MYCBP2: variants seen among roughly 807,000 people sequenced by gnomAD.
MYCBP2 encodes the protein MYC binding protein 2.
In MYCBP2, 120 loss-of-function variants were observed where a neutral mutation model predicts 525.3. That is an observed-to-expected ratio of 0.23 (90% CI 0.20 to 0.27). The LOEUF (loss-of-function observed/expected upper bound fraction) is 0.27. MYCBP2 is among the 10% of genes least tolerant of loss of function. The probability of loss-of-function intolerance (pLI) is 1.00; values close to 1 mark genes in which losing one functional copy is unlikely to be tolerated. For missense variants in MYCBP2, 4,149 were observed against 5,657.1 expected, an observed-to-expected ratio of 0.73 and a Z score of 8.55; for synonymous variants, 1,894 against 1,955.8, an observed-to-expected ratio of 0.97 and a Z score of 0.83.
chr13:77,212,014 T>G lies in MYCBP2; in HGVS notation c.3204A>C (p.Ala1068=), dbSNP rs1164833869. ...TAGCAAGTACATGAGAATTAATAAG[T>G]GCTTCATCAATTCGTAAAAAAGTTT... ...GDQTFLRIDE[A]LINSHVLATS... is the part of the protein sequence containing the mutation. The change falls in exon 22 of 83, where the codon GCA becomes GCC. Residue 1068 remains alanine, a synonymous_variant. Coordinates refer to ENST00000544440, the MANE Select transcript of MYCBP2 (RefSeq NM_015057.5). 1 of 1,614,104 alleles carries G rather than the reference T, an allele frequency of 6.2e-7. No homozygotes were observed. Among genetic ancestry groups the G allele is most frequent in the South Asian group, 1.1e-5 (1 of 91,078 alleles).
At position 77,161,425 on chromosome 13, in the gene MYCBP2, T is replaced by A. The variant is rs374923387; in HGVS notation, c.6597+481A>T. On this transcript the variant is annotated intron_variant, in intron 44 of 82. Transcript: ENST00000544440. ...AAAAACAACAAATGATGGCTCCCAA[T>A]TGTCTACAGGCAACTAGCCCTAACC... Among the ~76,000 whole-genome samples, 7 of 152,310 alleles carry A rather than the reference T, an allele frequency of 4.6e-5. No homozygotes were observed. In the East Asian group the frequency reaches 7.7e-4, roughly 17 times the overall value.
At chr13:77,287,226 C>A (rs577707744) in intron 3 of MYCBP2, among the ~76,000 whole-genome samples, 1 of 138,966 alleles carries the variant, frequency 7.2e-6, no homozygotes, top group South Asian at 2.4e-4. Context: ...CACTCTGTCA[C>A]CCAGGCCGGA....
At position 77,158,039 on chromosome 13, in the gene MYCBP2, G is replaced by C. The variant is rs1416518141; in HGVS notation, c.6668C>G (p.Ala2223Gly). The change falls in exon 45 of 83, where the codon GCA (alanine) becomes GGA (glycine). Residue 2223 changes from alanine (A) to glycine (G), a missense_variant. Ala to Gly is a moderately conservative substitution (Grantham distance 60, BLOSUM62 0). This residue lies in a region of MYCBP2 where 692 missense variants were observed against 852.7 expected (regional missense o/e 0.81). Transcript: ENST00000544440. ...ALSHSPTILE[A>G]LEGNLPLQIQ... ...TTGGAGTGGTAAATTTCCCTCAAGT[G>C]CTTCTAATATAGTTGGTGAATGAGA... 1.2e-6 allele frequency: 2 copies of C among 1,613,320 alleles called. No homozygotes were observed. Among genetic ancestry groups the C allele is most frequent in the Non-Finnish European group, 1.7e-6 (2 of 1,179,544 alleles).
intron 21 of MYCBP2, among the ~76,000 whole-genome samples, chr13:77,216,489 G>T (rs1594009355): frequency 6.6e-6 from 1 of 152,226 alleles, no homozygotes; most frequent in East Asian, 1.9e-4. Flanking sequence ...ACAGAAATCA[G>T]ACATTTGATC....
In MYCBP2 at chr13:77,101,011, C is replaced by T. The variant is rs934536462; in HGVS notation, c.8141-1998G>A. 4.6e-5 allele frequency among the ~76,000 whole-genome samples: 7 copies of T among 152,014 alleles called. 1 individual carries two copies. Among genetic ancestry groups the T allele is most frequent in the Non-Finnish European group, 1.5e-5 (1 of 67,980 alleles). On this transcript the variant is annotated intron_variant, in intron 55 of 82. Transcript: ENST00000544440. ...AACAGCATATGGCAAATTTGGTAAA[C>T]AAATTATATTTGGTAGATTAAATCA...
rs1376667156 is a variant in MYCBP2, at chr13:77,243,906, T to C, written c.2427A>G (p.Gly809=). The change falls in exon 16 of 83, where the codon GGA becomes GGG. Residue 809 remains glycine (G), a synonymous_variant. Coordinates refer to ENST00000544440, the MANE Select transcript of MYCBP2 (RefSeq NM_015057.5). ...GSGESGCAVC[G]CCKACARELD... is the part of the protein sequence containing the mutation. ...ACTCTCTTGCACAGGCCTTGCAACA[T>C]CCACACACAGCACAACCAGATTCTC... 1 of 1,600,910 alleles carries C rather than the reference T, an allele frequency of 6.2e-7. No homozygotes were observed. Among genetic ancestry groups the C allele is most frequent in the South Asian group, 1.1e-5 (1 of 90,578 alleles).
At chr13:77,057,834 CTTT>C (rs11419165) in intron 78 of MYCBP2, among the ~76,000 whole-genome samples, 2 of 121,102 alleles carry the variant, frequency 1.7e-5, no homozygotes, top group African/African-American at 3.4e-5. Flanking sequence ...CAATCAACTG[CTTT>C]TTTTTTTTTT....
chr13:77,169,650 T>C lies in MYCBP2; in HGVS notation c.5859A>G (p.Ile1953Met). ...SLFSMLLPLI[I>M]AYIGPVAAAI... ...CAGCAGCTACTGGTCCTATGTAGGC[T>C]ATAATAAGGGGGAGCAGCATGGAAA... The change falls in exon 39 of 83, where the codon ATA (isoleucine) becomes ATG (methionine). Residue 1953 changes from isoleucine to methionine, a missense_variant. Transcript: ENST00000544440. 1 of 1,613,912 alleles carries C rather than the reference T, an allele frequency of 6.2e-7. No homozygotes were observed. Among genetic ancestry groups the C allele is most frequent in the Middle Eastern group, 1.6e-4 (1 of 6,062 alleles).
chr13:77,249,884 A>C (rs2070832600), intron 15 of MYCBP2, among the ~76,000 whole-genome samples: 1 of 152,242 alleles, frequency 6.6e-6, no homozygotes, highest in South Asian at 2.1e-4. Context: ...TCCTTTGATA[A>C]AGACGACTTT....
intron 80 of MYCBP2, among the ~76,000 whole-genome samples, chr13:77,055,056 G>T (rs1275338112): frequency 1.3e-5 from 2 of 152,068 alleles, no homozygotes; most frequent in South Asian, 2.1e-4. Context: ...TGTAAAAGAG[G>T]TCACCCAAGG....
chr13:77,284,861 A>G (rs1252226010), intron 3 of MYCBP2, among the ~76,000 whole-genome samples: 1 of 152,182 alleles, frequency 6.6e-6, no homozygotes, highest in Non-Finnish European at 1.5e-5. Flanking sequence ...CAATCTATAG[A>G]TGACAAAACT....
intron 26 of MYCBP2, among the ~76,000 whole-genome samples, chr13:77,202,717 C>T (rs1408922969): frequency 6.6e-6 from 1 of 152,064 alleles, no homozygotes; most frequent in Non-Finnish European, 1.5e-5. Flanking sequence ...GGCTTCATCC[C>T]TGGGATGCAA....
chr13:77,242,957 G>T, intron 17 of MYCBP2, 102 bp downstream of exon 17: 1 of 938,684 alleles, frequency 1.1e-6, no homozygotes, highest in Non-Finnish European at 1.7e-6. Context: ...TAATTTTGAT[G>T]ATTTCTTACC....
At chr13:77,214,553 C>T (rs1269940252) in intron 21 of MYCBP2, among the ~76,000 whole-genome samples, 3 of 151,980 alleles carry the variant, frequency 2.0e-5, no homozygotes, top group African/African-American at 4.8e-5. Context: ...TAGGCTATTA[C>T]CTTTAAAAAA....
At chr13:77,156,621 T>C (rs1020240300) in intron 45 of MYCBP2, among the ~76,000 whole-genome samples, 3 of 152,174 alleles carry the variant, frequency 2.0e-5, no homozygotes, top group African/African-American at 4.8e-5. Context: ...AAAGCAGGGG[T>C]AGAAATGGCC....
intron 17 of MYCBP2, among the ~76,000 whole-genome samples, chr13:77,239,437 G>A (rs962587590): frequency 6.6e-6 from 1 of 152,126 alleles, no homozygotes; most frequent in Non-Finnish European, 1.5e-5. Context: ...TTCTAGCACA[G>A]TGCCAGAGAA....
At chr13:77,147,447 A>G (rs751556786) in intron 47 of MYCBP2, among the ~76,000 whole-genome samples, 1 of 152,146 alleles carries the variant, frequency 6.6e-6, no homozygotes, top group Non-Finnish European at 1.5e-5. Context: ...TGCCTGCAAC[A>G]TTAGCAAAGA....
chr13:77,267,776 A>C (rs1665684133), intron 8 of MYCBP2, 65 bp downstream of exon 8: 2 of 1,254,430 alleles, frequency 1.6e-6, no homozygotes, highest in Non-Finnish European at 2.3e-6. Flanking sequence ...TTATGTGTCT[A>C]AATAGCTTAA....
chr13:77,238,323 G>A (rs1049799652), intron 17 of MYCBP2, among the ~76,000 whole-genome samples: 9 of 151,788 alleles, frequency 5.9e-5, no homozygotes, highest in Non-Finnish European at 1.0e-4. Flanking sequence ...CAGGACATGG[G>A]TTTAGCCCAT....
Sources: allele counts gnomAD v4.1 joint callset (sites outside exome capture counted in the v4.1 genomes callset), GRCh38; gene constraint gnomAD v4.1.1; regional missense constraint gnomAD v4.1.1; transcripts MANE v1.5; gene names NCBI Gene and HGNC (gene_info 2026-07-23, HGNC 2026-07-21).